Variants in FRMD4A observed in about 807,000 individuals in gnomAD.
The protein encoded by FRMD4A is FERM domain-containing protein 4A.
A neutral mutation model predicts 129.1 loss-of-function variants in FRMD4A; 29 were observed. The ratio of observed to expected loss-of-function variants is 0.22; its 90% CI spans 0.17 to 0.31. FRMD4A has a LOEUF of 0.31. Ranked by LOEUF, FRMD4A falls within the 10% of genes least tolerant of loss-of-function variation. The pLI, the probability that FRMD4A is intolerant of heterozygous loss-of-function variation, is 1.00. For missense variants in FRMD4A, 1,272 were observed against 1,375.8 expected (o/e 0.92, Z 1.19); for synonymous variants, 634 against 571.6 (o/e 1.11, Z -1.56).
In FRMD4A at chr10:13,897,200, C is replaced by T. The variant is rs138260209; in HGVS notation, c.46-38288G>A. The stretch of plus-strand genomic sequence containing the variant: ...AGCTTGAGTTTAATACTTTTCGAGA[C>T]TCTTTCTGCAAAGAGAAACATGGCA... On this transcript the variant is annotated intron_variant, in intron 2 of 24. Transcript: ENST00000357447. Among the ~76,000 whole-genome samples, 35 of 152,338 alleles carry T rather than the reference C, an allele frequency of 2.3e-4. No individual in the cohort carries two copies. In the East Asian group the frequency reaches 6.4e-3, roughly 28 times the overall value.
chr10:14,169,279 C>A (rs1841353266), intron 2 of FRMD4A, among the ~76,000 whole-genome samples: 1 of 152,042 alleles, frequency 6.6e-6, no homozygotes, highest in African/African-American at 2.4e-5. Flanking sequence ...CTGATTAGCC[C>A]CAATTCCGTG....
At chr10:14,243,830 T>TAAAAA in intron 2 of FRMD4A, among the ~76,000 whole-genome samples, 1 of 142,748 alleles carries the variant, frequency 7.0e-6, no homozygotes, top group South Asian at 2.2e-4. Context: ...ATTACCACAA[T>TAAAAA]TAAAAAAAAA....
chr10:13,966,199 T>C (rs2095484328), intron 2 of FRMD4A, among the ~76,000 whole-genome samples: 1 of 152,114 alleles, frequency 6.6e-6, no homozygotes. Context: ...TTTTTTGTAT[T>C]TTTAGTAGAG....
chr10:13,684,419 G>A (rs2084895266), intron 15 of FRMD4A: 1 of 985,092 alleles, frequency 1.0e-6, no homozygotes, highest in South Asian at 4.7e-5. Context: ...CACTGCCTGT[G>A]TCACTGTGGG....
At chr10:14,048,822 G>C (rs1424630277) in intron 2 of FRMD4A, among the ~76,000 whole-genome samples, 2 of 91,392 alleles carry the variant, frequency 2.2e-5, no homozygotes, top group Non-Finnish European at 4.4e-5. Flanking sequence ...AAATAGAATA[G>C]ATTAGAATAG....
chr10:13,970,395 G>T (rs760923659), intron 2 of FRMD4A, among the ~76,000 whole-genome samples: 1 of 152,186 alleles, frequency 6.6e-6, no homozygotes, highest in Non-Finnish European at 1.5e-5. Flanking sequence ...CTTCCAGGGC[G>T]CCTCCCTCCC....
At chr10:14,039,833 T>G (rs1446066600) in intron 2 of FRMD4A, among the ~76,000 whole-genome samples, 1 of 152,144 alleles carries the variant, frequency 6.6e-6, no homozygotes, top group African/African-American at 2.4e-5. Context: ...GCGCATGTCG[T>G]CAGGACCTCG....
At chr10:14,059,180 TTGTA>T (rs1472580289) in intron 2 of FRMD4A, among the ~76,000 whole-genome samples, 2 of 152,136 alleles carry the variant, frequency 1.3e-5, no homozygotes, top group Admixed American at 6.5e-5. Context: ...AGTCTAATAT[TTGTA>T]TGTAAATAAA....
chr10:13,872,687 G>A (rs551498161), intron 2 of FRMD4A, among the ~76,000 whole-genome samples: 1 of 152,234 alleles, frequency 6.6e-6, no homozygotes, highest in African/African-American at 2.4e-5. Context: ...TTCCCTGGGG[G>A]AACAGTGAGG....
At chr10:13,694,596 T>C (rs1001602175) in intron 14 of FRMD4A, among the ~76,000 whole-genome samples, 20 of 152,310 alleles carry the variant, frequency 1.3e-4, no homozygotes, top group African/African-American at 4.3e-4. Flanking sequence ...ACCTCTTAAA[T>C]AGTTTGCCAT....
At chr10:13,855,785 G>C (rs892882390) in intron 3 of FRMD4A, among the ~76,000 whole-genome samples, 1 of 152,084 alleles carries the variant, frequency 6.6e-6, no homozygotes, top group African/African-American at 2.4e-5. Flanking sequence ...AGATGAGCTA[G>C]AGAATCCAGA....
chr10:14,213,990 T>C (rs1251755122), intron 2 of FRMD4A, among the ~76,000 whole-genome samples: 1 of 152,218 alleles, frequency 6.6e-6, no homozygotes, highest in Non-Finnish European at 1.5e-5. Context: ...TAAATAAGTC[T>C]CACGAGATCT....
Position 13,657,052 on chromosome 10 carries a change from G to T in FRMD4A, c.2537C>A (p.Thr846Lys). 1.3e-6 allele frequency: 2 copies of T among 1,572,784 alleles called. No homozygotes were observed. Reference protein sequence around the residue: ...EYPLYIEGGATPVVVRSLESD... With the variant: ...EYPLYIEGGAKPVVVRSLESD... Reference sequence around the variant, plus strand: ...CTCCAGGCTGCGCACCACCACGGGCGTGGCGCCGCCCTCGATGTACAGCGG... The same window carrying T: ...CTCCAGGCTGCGCACCACCACGGGCTTGGCGCCGCCCTCGATGTACAGCGG... Residue 846 changes from threonine (T) to lysine (K), a missense_variant, in exon 22 of 25, where the codon ACG (threonine) becomes AAG (lysine). Around this residue, in one of 2 missense-constraint regions of FRMD4A, gnomAD observed 972 missense variants for 892.3 expected, o/e 1.09. Coordinates refer to ENST00000357447, the MANE Select transcript of FRMD4A (RefSeq NM_018027.5).
rs1564319439 is a variant in FRMD4A at position 14,127,981 on chromosome 10, TC to T, written c.45+202076del. On this transcript the variant is annotated intron_variant, in intron 2 of 24. Coordinates refer to ENST00000357447, the MANE Select transcript of FRMD4A (RefSeq NM_018027.5). Reference sequence around the variant, plus strand: ...TTCTTTCTTTCTTTCTTTCTTTCCTTCTCTCTCTCTCTCTCTCTCTTTCTTT... The same window carrying T: ...TTCTTTCTTTCTTTCTTTCTTTCCTTTCTCTCTCTCTCTCTCTCTTTCTTT... 6.3e-3 allele frequency among the ~76,000 whole-genome samples: 114 copies of T among 18,190 alleles called. 4 individuals are homozygous for T. The highest frequency in any genetic ancestry group is 0.026 in the Middle Eastern group (1 of 38). The allele number at this position is 18,190 out of a possible 152,430, so 11.9% of individuals were successfully genotyped here.
intron 2 of FRMD4A, among the ~76,000 whole-genome samples, chr10:13,887,090 C>T (rs1410251465): frequency 6.6e-6 from 1 of 152,316 alleles, no homozygotes; most frequent in African/African-American, 2.4e-5. Context: ...AAACATCACA[C>T]AGTGTAGAGA....
At chr10:14,299,965 A>G (rs147992402) in intron 2 of FRMD4A, among the ~76,000 whole-genome samples, 10 of 152,216 alleles carry the variant, frequency 6.6e-5, no homozygotes, top group African/African-American at 2.2e-4. Context: ...GGAAGAAGAC[A>G]TGAGAAAGAG....
chr10:14,232,109 T>C (rs2139913), intron 2 of FRMD4A, among the ~76,000 whole-genome samples: 17,822 of 152,222 alleles, frequency 0.12, 1,128 homozygotes, highest in Middle Eastern at 0.15. Context: ...TTTTTGTATA[T>C]GGAGAAAGGA....
At chr10:13,729,745 C>A (rs138357317) in intron 12 of FRMD4A, among the ~76,000 whole-genome samples, 129 of 152,252 alleles carry the variant, frequency 8.5e-4, no homozygotes, top group African/African-American at 3.0e-3. Context: ...CCTAATTGTG[C>A]ATCTAAGTGT....
At chr10:14,131,633 T>C (rs976792417) in intron 2 of FRMD4A, among the ~76,000 whole-genome samples, 10 of 152,188 alleles carry the variant, frequency 6.6e-5, no homozygotes, top group Admixed American at 2.0e-4. Flanking sequence ...GATCCACTTG[T>C]CAGTTGATTA....
Sources: allele counts gnomAD v4.1 joint callset (sites outside exome capture counted in the v4.1 genomes callset), GRCh38; gene constraint gnomAD v4.1.1; regional missense constraint gnomAD v4.1.1; transcripts MANE v1.5; gene names NCBI Gene and HGNC (gene_info 2026-07-23, HGNC 2026-07-21).